The following NEDD9 variants were observed in gnomAD, a reference collection of about 807,000 sequenced individuals.
NEDD9 encodes the protein enhancer of filamentation 1.
A neutral mutation model predicts 76.6 loss-of-function variants in NEDD9; 26 were observed. The ratio of observed to expected loss-of-function variants is 0.34; its 90% CI spans 0.25 to 0.47. The LOEUF (loss-of-function observed/expected upper bound fraction) is 0.47. NEDD9 is among the 20% of genes least tolerant of loss of function. The probability of loss-of-function intolerance (pLI) is 1.00; values close to 1 mark genes in which losing one functional copy is unlikely to be tolerated. For synonymous variants in NEDD9, 392 were observed against 414.2 expected (o/e 0.95, Z 0.65); for missense variants, 937 against 1,058.5 (o/e 0.89, Z 1.59).
At position 11,192,605 on chromosome 6, in the gene NEDD9, T is replaced by A. The variant is rs575723063; in HGVS notation, c.562-159A>T. Reference sequence around the variant, plus strand: ...ATAACAGATTTATTGCCTTTTTTTTTAATACATTTTATGGTTTTTAACTTA... The same window carrying A: ...ATAACAGATTTATTGCCTTTTTTTTAAATACATTTTATGGTTTTTAACTTA... On this transcript the variant is annotated intron_variant, in intron 3 of 6. Coordinates refer to ENST00000379446, the MANE Select transcript of NEDD9 (RefSeq NM_006403.4). 1,155 of 568,954 alleles carry A rather than the reference T, an allele frequency of 2.0e-3. 8 individuals carry two copies. The highest frequency in any genetic ancestry group is 0.018 in the African/African-American group (909 of 49,808). The allele number at this position is 568,954 out of a possible 1,614,324, so 35.2% of individuals were successfully genotyped here.
At chr6:11,283,197 T>TC (rs200348788) in intron 3 of NEDD9, among the ~76,000 whole-genome samples, 2,642 of 152,346 alleles carry the variant, frequency 0.017, 72 homozygotes, top group African/African-American at 0.059. Context: ...AAACTAGCAT[T>TC]CCTGGCATTC....
At chr6:11,320,458 C>T (rs892865725) in intron 2 of NEDD9, among the ~76,000 whole-genome samples, 1 of 152,146 alleles carries the variant, frequency 6.6e-6, no homozygotes, top group Non-Finnish European at 1.5e-5. Context: ...GAGGTCCACA[C>T]GGTGCCTACG....
At chr6:11,366,537 G>A (rs532710973) in intron 1 of NEDD9, among the ~76,000 whole-genome samples, 54 of 152,330 alleles carry the variant, frequency 3.5e-4, no homozygotes, top group Middle Eastern at 6.8e-3. Context: ...CATACTTACA[G>A]TAGATTTTCT....
chr6:11,299,442 G>A (rs1320413746), intron 3 of NEDD9, among the ~76,000 whole-genome samples: 1 of 152,222 alleles, frequency 6.6e-6, no homozygotes. Flanking sequence ...GAGAACAAAA[G>A]GCAGCAGACA....
intron 1 of NEDD9, among the ~76,000 whole-genome samples, chr6:11,217,520 G>C (rs1758990613): frequency 6.6e-6 from 1 of 152,222 alleles, no homozygotes; most frequent in Admixed American, 6.5e-5. Context: ...TCCAAAGGCT[G>C]GCAGTTAGCA....
chr6:11,190,794 G>A lies in NEDD9; in HGVS notation c.1075C>T (p.Arg359Trp), dbSNP rs778807338. Residue 359 changes from arginine to tryptophan, a missense_variant, in exon 5 of 7, where the codon CGG (arginine) becomes TGG (tryptophan). By Grantham distance (101) the Arg-to-Trp change is moderately radical. Coordinates refer to ENST00000379446, the MANE Select transcript of NEDD9 (RefSeq NM_006403.4). This position sits in a 1 kb window ranked among gnomAD's most constrained non-coding sequence, Gnocchi z 5.8. ...LHNPPDAKGS[R>W]DLVDGINRLS... ...CGGTTGATCCCATCCACCAAGTCCC[G>A]AGAGCCTTTAGCATCTGGCGGGTTA... 44 of 1,614,006 alleles carry A rather than the reference G, an allele frequency of 2.7e-5. No homozygotes were observed. In the African/African-American group the frequency reaches 3.5e-4, roughly 13 times the overall value.
intron 6 of NEDD9, among the ~76,000 whole-genome samples, chr6:11,187,635 G>A (rs377208226): frequency 1.3e-5 from 2 of 152,216 alleles, no homozygotes; most frequent in East Asian, 3.8e-4. Context: ...CAAGAGAAGG[G>A]AGCTAACCAT....
At chr6:11,351,599 CTTTT>C (rs888230741) in intron 1 of NEDD9, among the ~76,000 whole-genome samples, 2 of 152,142 alleles carry the variant, frequency 1.3e-5, no homozygotes, top group African/African-American at 2.4e-5. Context: ...AAGGAACATC[CTTTT>C]TCTGAAGACA....
intron 3 of NEDD9, among the ~76,000 whole-genome samples, chr6:11,279,200 A>G (rs1241180412): frequency 6.6e-6 from 1 of 152,216 alleles, no homozygotes; most frequent in Non-Finnish European, 1.5e-5. Flanking sequence ...TTAAAATATG[A>G]TATTTCCAGC....
chr6:11,371,276 A>T (rs1018881491), intron 1 of NEDD9, among the ~76,000 whole-genome samples: 1 of 152,126 alleles, frequency 6.6e-6, no homozygotes, highest in Non-Finnish European at 1.5e-5. Context: ...TTGACACATC[A>T]TTATGACCCC....
intron 1 of NEDD9, chr6:11,352,177 C>T (rs1561844618): frequency 1.3e-5 from 2 of 152,254 alleles, no homozygotes; most frequent in African/African-American, 4.8e-5. Flanking sequence ...TCCTTTTCTT[C>T]AGGGTTAACA....
At chr6:11,347,857 G>A (rs891197161) in intron 1 of NEDD9, among the ~76,000 whole-genome samples, 4 of 152,170 alleles carry the variant, frequency 2.6e-5, no homozygotes, top group African/African-American at 4.8e-5. Context: ...GCAAAAGCTG[G>A]AAGCATTCCC....
chr6:11,188,131 T>C (rs921203300), intron 6 of NEDD9, 87 bp downstream of exon 6: 1 of 1,045,862 alleles, frequency 9.6e-7, no homozygotes. Flanking sequence ...AGAATCAAAA[T>C]CATAATCTCT....
chr6:11,221,633 G>A (rs1437601827), intron 1 of NEDD9, among the ~76,000 whole-genome samples: 3 of 152,172 alleles, frequency 2.0e-5, no homozygotes, highest in Non-Finnish European at 4.4e-5. Flanking sequence ...GGACAAGGAT[G>A]CCCTTCCTGA....
intron 2 of NEDD9, among the ~76,000 whole-genome samples, chr6:11,311,311 C>A (rs143451080): frequency 2.0e-3 from 298 of 152,348 alleles, no homozygotes; most frequent in Non-Finnish European, 2.9e-3. Context: ...TCCAACTGGA[C>A]TGATGTCCTT....
At chr6:11,317,236 C>A (rs1310016778) in intron 2 of NEDD9, among the ~76,000 whole-genome samples, 1 of 151,998 alleles carries the variant, frequency 6.6e-6, no homozygotes, top group South Asian at 2.1e-4. Flanking sequence ...AGTTTGAGAC[C>A]AGCCTGGCCA....
intron 2 of NEDD9, among the ~76,000 whole-genome samples, chr6:11,310,755 G>A (rs1353306974): frequency 2.6e-5 from 4 of 152,028 alleles, no homozygotes; most frequent in African/African-American, 7.3e-5. Context: ...GGTTTTATTT[G>A]CTGTCTTTCT....
At chr6:11,277,502 G>C (rs1296478140) in intron 3 of NEDD9, among the ~76,000 whole-genome samples, 3 of 152,162 alleles carry the variant, frequency 2.0e-5, no homozygotes, top group African/African-American at 7.2e-5. Flanking sequence ...TAGGAGGTCT[G>C]AGTTCTGACA....
At chr6:11,304,388 G>A (rs1761126851) in intron 3 of NEDD9, among the ~76,000 whole-genome samples, 1 of 152,230 alleles carries the variant, frequency 6.6e-6, no homozygotes, top group Non-Finnish European at 1.5e-5. Context: ...CATTGTGGAA[G>A]ACAATGTGGC....
Sources: allele counts gnomAD v4.1 joint callset (sites outside exome capture counted in the v4.1 genomes callset), GRCh38; gene constraint gnomAD v4.1.1; non-coding constraint Gnocchi (gnomAD v3.1); transcripts MANE v1.5; gene names NCBI Gene and HGNC (gene_info 2026-07-23, HGNC 2026-07-21).